ZNF385D: variants seen among roughly 807,000 people sequenced by gnomAD.
The protein encoded by ZNF385D is zinc finger protein 659.
Under a neutral mutation model 35.8 loss-of-function variants are expected in ZNF385D, and 15 were observed. The observed-to-expected ratio is 0.42, with a 90% CI of 0.28 to 0.64. ZNF385D has a LOEUF of 0.64. ZNF385D is among the 30% of genes least tolerant of loss of function. The probability of loss-of-function intolerance (pLI) is 0.23; values close to 1 mark genes in which losing one functional copy is unlikely to be tolerated. For missense variants in ZNF385D, 474 were observed against 494.6 expected (o/e 0.96, Z 0.39); for synonymous variants, 212 against 186.8 (o/e 1.13, Z -1.10).
chr3:21,940,320 C>G (rs1375747036), intron 3 of ZNF385D, among the ~76,000 whole-genome samples: 1 of 152,058 alleles, frequency 6.6e-6, no homozygotes, highest in Non-Finnish European at 1.5e-5. Flanking sequence ...CCCAGTTCAC[C>G]CATTTAGTGG....
chr3:22,276,175 TTTAAA>T lies in ZNF385D; in HGVS notation c.106+96270_106+96274del, dbSNP rs1248000136. On this transcript the variant is annotated intron_variant, in intron 2 of 5. Transcript: ENST00000494108. ...AAATTTATTATTTATTATGAATTAA[TTTAAA>T]TTTCTTTTAAAGTGTACATTTCTAT... Among the ~76,000 whole-genome samples the T allele has an allele frequency of 2.0e-5, 3 of 152,114 alleles. No homozygotes were observed. In the East Asian group the frequency reaches 5.8e-4, roughly 29 times the overall value.
At chr3:22,322,025 C>T (rs765727825) in intron 2 of ZNF385D, among the ~76,000 whole-genome samples, 4 of 152,072 alleles carry the variant, frequency 2.6e-5, no homozygotes, top group Non-Finnish European at 5.9e-5. Context: ...CCTGCCTTTA[C>T]CCAATTATAG....
At chr3:21,856,298 G>A (rs1696710515) in intron 3 of ZNF385D, among the ~76,000 whole-genome samples, 1 of 151,738 alleles carries the variant, frequency 6.6e-6, no homozygotes, top group Non-Finnish European at 1.5e-5. Context: ...TACATCCATG[G>A]ACCCCTCTAC....
At chr3:22,262,685 G>A (rs1368674454) in intron 2 of ZNF385D, among the ~76,000 whole-genome samples, 1 of 151,678 alleles carries the variant, frequency 6.6e-6, no homozygotes, top group East Asian at 2.0e-4. Context: ...AGATTTCTGA[G>A]CCCCAGTTTT....
At chr3:21,949,173 T>C (rs967845815) in intron 3 of ZNF385D, among the ~76,000 whole-genome samples, 5 of 152,260 alleles carry the variant, frequency 3.3e-5, no homozygotes, top group Non-Finnish European at 2.9e-5. Flanking sequence ...TATTTTCCAA[T>C]TGAATTATAA....
chr3:22,224,935 G>A (rs1476897801), intron 2 of ZNF385D, among the ~76,000 whole-genome samples: 1 of 152,090 alleles, frequency 6.6e-6, no homozygotes, highest in African/African-American at 2.4e-5. Flanking sequence ...TCTTCCTTGT[G>A]CTCTCATGAA....
In ZNF385D at chr3:21,913,295, G is replaced by A. The variant is rs1352807996; in HGVS notation, c.326-248267C>T. Among the ~76,000 whole-genome samples the A allele has an allele frequency of 2.0e-5, 3 of 152,182 alleles. No homozygotes were observed. In the East Asian group the frequency reaches 5.8e-4, roughly 29 times the overall value. On this transcript the variant is annotated intron_variant, in intron 3 of 5. Coordinates refer to the ZNF385D transcript ENST00000494108. ...ATTATAATTTCACCTGCAGAGTAGA[G>A]TACTTCTAACTGTACCCTCCTCACA...
chr3:21,924,759 A>G (rs13096987), intron 3 of ZNF385D, among the ~76,000 whole-genome samples: 81,185 of 151,812 alleles, frequency 0.53, 23,778 homozygotes, highest in South Asian at 0.66. Context: ...CAGCCAAGGT[A>G]TTCTGTAGAG....
intron 3 of ZNF385D, among the ~76,000 whole-genome samples, chr3:21,808,876 C>G (rs533996333): frequency 7.1e-4 from 108 of 152,214 alleles, no homozygotes; most frequent in African/African-American, 2.2e-3. Flanking sequence ...TGGGTAGCAC[C>G]AAAGTAGGAC....
At chr3:22,363,667 A>G (rs1472851092) in intron 2 of ZNF385D, among the ~76,000 whole-genome samples, 1 of 152,146 alleles carries the variant, frequency 6.6e-6, no homozygotes, top group African/African-American at 2.4e-5. Flanking sequence ...TTAAAAACTT[A>G]TGGTTAAATT....
intron 3 of ZNF385D, among the ~76,000 whole-genome samples, chr3:21,776,810 A>G (rs9917688): frequency 0.087 from 13,199 of 151,890 alleles, 885 homozygotes; most frequent in East Asian, 0.34. Context: ...GGCTACCAGA[A>G]CTCCATGAGA....
rs966785621 is a variant in ZNF385D at position 21,536,803 on chromosome 3, A to T, written c.277-25780T>A. 3.9e-5 allele frequency among the ~76,000 whole-genome samples: 6 copies of T among 152,062 alleles called. No homozygotes were observed. The East Asian group carries it at 1.2e-3, about 29-fold the overall frequency. ...ATGATGGGGTCTGAATCTTAAATAC[A>T]GTGGCCAGAGTAAGCATCAAGAGAT... On this transcript the variant is annotated intron_variant, in intron 3 of 7. Coordinates refer to ENST00000281523, the MANE Select transcript of ZNF385D (RefSeq NM_024697.3).
intron 3 of ZNF385D, among the ~76,000 whole-genome samples, chr3:21,547,550 G>A (rs964510864): frequency 6.6e-6 from 1 of 151,858 alleles, no homozygotes; most frequent in Non-Finnish European, 1.5e-5. Flanking sequence ...CCTCCTGTTA[G>A]CAGAAAGCAG....
At chr3:22,247,404 C>G (rs759657352) in intron 2 of ZNF385D, among the ~76,000 whole-genome samples, 1 of 151,760 alleles carries the variant, frequency 6.6e-6, no homozygotes, top group Non-Finnish European at 1.5e-5. Context: ...AAAATTGATG[C>G]TGATTACTAA....
chr3:21,707,304 T>C (rs1267254771), intron 1 of ZNF385D, among the ~76,000 whole-genome samples: 4 of 152,190 alleles, frequency 2.6e-5, no homozygotes, highest in Admixed American at 2.6e-4. Flanking sequence ...TTACTATAAA[T>C]TGTGCACAGG....
chr3:21,754,367 G>A (rs1325638624), upstream of ZNF385D, among the ~76,000 whole-genome samples: 4 of 152,130 alleles, frequency 2.6e-5, no homozygotes, highest in African/African-American at 7.2e-5. Context: ...GAACCTAGGA[G>A]CTTCTGAAGG....
intron 4 of ZNF385D, among the ~76,000 whole-genome samples, chr3:21,472,546 T>C (rs1407097176): frequency 2.0e-5 from 3 of 152,184 alleles, no homozygotes; most frequent in Non-Finnish European, 4.4e-5. Flanking sequence ...TGTTTCTATA[T>C]TGTTAAATTA....
intron 3 of ZNF385D, among the ~76,000 whole-genome samples, chr3:21,801,368 C>T (rs570082546): frequency 6.6e-6 from 1 of 152,244 alleles, no homozygotes; most frequent in South Asian, 2.1e-4. Flanking sequence ...GCTCCTCTGC[C>T]ATGTTTGAAG....
chr3:21,828,580 T>A (rs1694799728), intron 3 of ZNF385D, among the ~76,000 whole-genome samples: 1 of 152,222 alleles, frequency 6.6e-6, no homozygotes, highest in South Asian at 2.1e-4. Context: ...CTACAAATAT[T>A]TATTGGCTAC....
Sources: allele counts gnomAD v4.1 joint callset (sites outside exome capture counted in the v4.1 genomes callset), GRCh38; gene constraint gnomAD v4.1.1; transcripts MANE v1.5; gene names NCBI Gene and HGNC (gene_info 2026-07-23, HGNC 2026-07-21).